PEX5L: variants seen among roughly 807,000 people sequenced by gnomAD.
PEX5L encodes PEX5-related protein.
A neutral mutation model predicts 84.0 loss-of-function variants in PEX5L; 30 were observed. That is an observed-to-expected ratio of 0.36 (90% CI 0.27 to 0.48). PEX5L has a LOEUF of 0.48. Among genes scored for constraint, PEX5L ranks in the 20% least tolerant of loss-of-function variants. PEX5L has a pLI of 0.99. For missense variants in PEX5L, 533 were observed against 754.6 expected (o/e 0.71, Z 3.44); for synonymous variants, 270 against 283.1 (o/e 0.95, Z 0.46).
At position 179,797,571 on chromosome 3, in the gene PEX5L, T is replaced by TTATC. The variant is rs1474748141; in HGVS notation, c.*4253_*4256dup. ...TTTTTTACAAACTTTATGCCAGAGT[T>TTATC]TATCTATGAACACTCTTTAAAAAAA... is the stretch of plus-strand genomic sequence containing the variant. On this transcript the variant is annotated 3_prime_UTR_variant, in exon 15 of 15. Coordinates refer to ENST00000467460, the MANE Select transcript of PEX5L (RefSeq NM_016559.3). The TTATC allele has an allele frequency of 7.2e-6, 1 of 138,938 alleles. No homozygotes were observed. Among genetic ancestry groups the TTATC allele is most frequent in the East Asian group, 2.0e-4 (1 of 4,896 alleles). The allele number at this position is 138,938 out of a possible 1,614,324, so 8.6% of individuals were successfully genotyped here.
At position 179,896,431 on chromosome 3, in the gene PEX5L, AAAGG is replaced by A. The variant is rs556512738; in HGVS notation, c.198+1707_198+1710del. Among the ~76,000 whole-genome samples the A allele has an allele frequency of 3.0e-3, 463 of 152,286 alleles. 2 individuals are homozygous for A. Among genetic ancestry groups the A allele is most frequent in the African/African-American group, 0.011 (449 of 41,566 alleles). On this transcript the variant is annotated intron_variant, in intron 3 of 14. Coordinates refer to ENST00000467460, the MANE Select transcript of PEX5L (RefSeq NM_016559.3). Reference sequence around the variant, plus strand: ...GTTAATGCAACATTAGACAGGGATTAAAGGAAGAACTTGGTACAAACAAATGTCC... The same window carrying A: ...GTTAATGCAACATTAGACAGGGATTAAAGAACTTGGTACAAACAAATGTCC...
intron 8 of PEX5L, among the ~76,000 whole-genome samples, chr3:179,826,677 T>C (rs1272366893): frequency 6.6e-6 from 1 of 152,134 alleles, no homozygotes; most frequent in Non-Finnish European, 1.5e-5. Flanking sequence ...GGTTATGTGA[T>C]GAAAAAAGCC....
At chr3:179,948,449 G>A (rs1560861865) in intron 2 of PEX5L, among the ~76,000 whole-genome samples, 1 of 152,196 alleles carries the variant, frequency 6.6e-6, no homozygotes. Context: ...ATTATCAGGG[G>A]GAAAATTAGA....
chr3:179,830,655 AT>A (rs1271438264), intron 8 of PEX5L, among the ~76,000 whole-genome samples: 2 of 152,218 alleles, frequency 1.3e-5, no homozygotes, highest in Non-Finnish European at 2.9e-5. Flanking sequence ...GTATTGATTT[AT>A]TGGCCTATGA....
At chr3:179,803,191 A>T (rs1719787365) in intron 14 of PEX5L, among the ~76,000 whole-genome samples, 1 of 152,200 alleles carries the variant, frequency 6.6e-6, no homozygotes, top group African/African-American at 2.4e-5. Flanking sequence ...CTAGTAAGCA[A>T]GATATGAAAC....
At chr3:179,892,439 A>C (rs753780958) in intron 3 of PEX5L, among the ~76,000 whole-genome samples, 1 of 152,164 alleles carries the variant, frequency 6.6e-6, no homozygotes, top group Non-Finnish European at 1.5e-5. Flanking sequence ...ACTGCCAACT[A>C]GACTGTGACT....
chr3:179,866,464 C>T (rs766815666), intron 7 of PEX5L, among the ~76,000 whole-genome samples: 2 of 152,160 alleles, frequency 1.3e-5, no homozygotes, highest in East Asian at 1.9e-4. Context: ...GTAAAGCATA[C>T]GGTCACATGT....
chr3:179,906,523 T>C (rs796311855), intron 2 of PEX5L, among the ~76,000 whole-genome samples: 6 of 152,342 alleles, frequency 3.9e-5, no homozygotes, highest in African/African-American at 1.4e-4. Flanking sequence ...ACATATTTCA[T>C]AATTAATAAG....
chr3:180,022,842 C>G (rs549775888), intron 1 of PEX5L, among the ~76,000 whole-genome samples: 2 of 152,270 alleles, frequency 1.3e-5, no homozygotes, highest in East Asian at 3.9e-4. Flanking sequence ...CAAGTGCACT[C>G]CATCCTACAC....
chr3:179,937,614 G>T (rs1042710994), intron 2 of PEX5L, among the ~76,000 whole-genome samples: 1 of 152,098 alleles, frequency 6.6e-6, no homozygotes, highest in Non-Finnish European at 1.5e-5. Flanking sequence ...AGGCTTTGGG[G>T]TTTCCCTTGC....
intron 1 of PEX5L, among the ~76,000 whole-genome samples, chr3:179,991,090 G>A (rs1399256175): frequency 6.6e-6 from 1 of 152,164 alleles, no homozygotes; most frequent in African/African-American, 2.4e-5. Context: ...ATTCCTGAGT[G>A]TAGCTGAAAA....
chr3:179,951,973 C>T (rs756607763), intron 2 of PEX5L, among the ~76,000 whole-genome samples: 1 of 152,206 alleles, frequency 6.6e-6, no homozygotes, highest in Non-Finnish European at 1.5e-5. Context: ...GTGGAATAGA[C>T]CTTTATCAAT....
chr3:179,904,837 A>C (rs1762597237), intron 2 of PEX5L, among the ~76,000 whole-genome samples: 1 of 151,932 alleles, frequency 6.6e-6, no homozygotes, highest in Non-Finnish European at 1.5e-5. Context: ...CTCGACAGTC[A>C]GTGTGCTTTC....
chr3:179,874,366 A>G lies in PEX5L; in HGVS notation c.687T>C (p.Ser229=), dbSNP rs752993696. The change falls in exon 7 of 15, where the codon TCT becomes TCC. Residue 229 remains serine, a synonymous_variant. Transcript: ENST00000467460. ...CTAATTCCAATTCTGAAGCCGACTCAGAGTTGAGGGCGCTTTTTCCACCAC... is the reference window on the plus strand; with the variant it reads ...CTAATTCCAATTCTGAAGCCGACTCGGAGTTGAGGGCGCTTTTTCCACCAC... ...ELSGGKSALN[S]ESASELELVA... 1 of 1,612,936 alleles carries G rather than the reference A, an allele frequency of 6.2e-7. No homozygotes were observed. Among genetic ancestry groups the G allele is most frequent in the South Asian group, 1.1e-5 (1 of 91,010 alleles).
intron 9 of PEX5L, among the ~76,000 whole-genome samples, chr3:179,816,917 A>C (rs974477293): frequency 6.6e-6 from 1 of 152,088 alleles, no homozygotes; most frequent in Admixed American, 6.6e-5. Context: ...ACGACCACTA[A>C]TATTTTTGAG....
At chr3:179,948,566 G>A (rs937500121) in intron 2 of PEX5L, among the ~76,000 whole-genome samples, 1 of 152,108 alleles carries the variant, frequency 6.6e-6, no homozygotes, top group South Asian at 2.1e-4. Context: ...GTGGATCCAC[G>A]GAGAGAATTA....
At chr3:179,996,954 G>A (rs1472874340) in intron 1 of PEX5L, among the ~76,000 whole-genome samples, 1 of 152,140 alleles carries the variant, frequency 6.6e-6, no homozygotes, top group Non-Finnish European at 1.5e-5. Flanking sequence ...ATTTATATAA[G>A]CAGAAAAATT....
chr3:179,875,626 T>C (rs776643577), intron 5 of PEX5L, 149 bp from the exon 6 acceptor site: 27 of 587,400 alleles, frequency 4.6e-5, no homozygotes, highest in Non-Finnish European at 7.4e-5. Flanking sequence ...GGAGCTTCAT[T>C]GAACCAATGT....
rs1400868305 is a variant in PEX5L at position 179,809,647 on chromosome 3, G to C, written c.1176C>G (p.Asn392Lys). 1 of 1,604,246 alleles carries C rather than the reference G, an allele frequency of 6.2e-7. No individual in the cohort carries two copies. Among genetic ancestry groups the C allele is most frequent in the Middle Eastern group, 1.8e-4 (1 of 5,692 alleles). ...CCAAGGCCATCAAAGCTTTTAAGTT[G>C]TTGGGCTGTAATTCTAAGCACCTGA... ...ALQRCLELQP[N>K]NLKALMALAV... Residue 392 changes from asparagine (N) to lysine (K), a missense_variant, in exon 12 of 15, where the codon AAC (asparagine) becomes AAG (lysine). Physicochemically the swap from Asn to Lys is moderately conservative, Grantham distance 94. Around this residue, in one of 8 missense-constraint regions of PEX5L, gnomAD observed 32 missense variants for 45.5 expected, o/e 0.70. Transcript: ENST00000467460.
Sources: allele counts gnomAD v4.1 joint callset (sites outside exome capture counted in the v4.1 genomes callset), GRCh38; gene constraint gnomAD v4.1.1; regional missense constraint gnomAD v4.1.1; transcripts MANE v1.5; gene names NCBI Gene and HGNC (gene_info 2026-07-23, HGNC 2026-07-21).